COL5A1: variants seen among roughly 807,000 people sequenced by gnomAD.
COL5A1 encodes collagen alpha-1(V) chain.
A neutral mutation model predicts 263.7 loss-of-function variants in COL5A1; 16 were observed. The observed-to-expected ratio is 0.06, with a 90% confidence interval of 0.04 to 0.09. The LOEUF is 0.09. Ranked by LOEUF, COL5A1 falls within the 10% of genes least tolerant of loss-of-function variation. The pLI, the probability that COL5A1 is intolerant of heterozygous loss-of-function variation, is 1.00. For synonymous variants in COL5A1, 1,012 were observed against 1,004.5 expected (o/e 1.01, Z -0.14); for missense variants, 2,036 against 2,540.5 (o/e 0.80, Z 4.27).
In COL5A1 at chr9:134,701,212, C is replaced by T. The variant is rs768048558; in HGVS notation, c.533C>T (p.Thr178Ile). The T allele has an allele frequency of 1.9e-6, 3 of 1,613,900 alleles. No individual in the cohort carries two copies. The African/African-American group carries it at 4.0e-5, about 22-fold the overall frequency. The change falls in exon 4 of 66, where the codon ACC becomes ATC. Residue 178 changes from threonine to isoleucine, a missense_variant. By Grantham distance (89) the Thr-to-Ile change is moderately conservative (BLOSUM62 -1). Coordinates refer to ENST00000371817, the MANE Select transcript of COL5A1 (RefSeq NM_000093.5). ...CTCAGCGTCCACAAGAAAAATGTCA[C>T]CTTGATCCTCGACTGTAAAAAGAAG... ...IALSVHKKNV[T>I]LILDCKKKTT...
chr9:134,696,242 T>G lies in COL5A1; in HGVS notation c.278-3667T>G, dbSNP rs1833463101. On this transcript the variant is annotated intron_variant, in intron 2 of 65. Coordinates refer to ENST00000371817, the MANE Select transcript of COL5A1 (RefSeq NM_000093.5). The surrounding 1 kb of genome is among the most constrained non-coding windows in gnomAD (Gnocchi z 4.3). Reference sequence around the variant, plus strand: ...AGGCTGGAGTGCAGTGGTGTAATCTTGGCTCACGGCAACCTCTGCCTCCCA... The same window carrying G: ...AGGCTGGAGTGCAGTGGTGTAATCTGGGCTCACGGCAACCTCTGCCTCCCA... Among the ~76,000 whole-genome samples, 1 of 152,114 alleles carries G rather than the reference T, an allele frequency of 6.6e-6. No homozygotes were observed. Among genetic ancestry groups the G allele is most frequent in the Non-Finnish European group, 1.5e-5 (1 of 68,010 alleles).
chr9:134,818,616 T>C lies in COL5A1; in HGVS notation c.4231-40T>C, dbSNP rs548365635. On this transcript the variant is annotated intron_variant, in intron 54 of 65. Transcript: ENST00000371817. The surrounding 1 kb of genome is among the most constrained non-coding windows in gnomAD (Gnocchi z 6.0). ...GTCCTGGGCCAGGGTGCCTGGAGCC[T>C]AGAGCTCCGGACCTCATTCTGCCCT... 6.7e-7 allele frequency: 1 copy of C among 1,495,552 alleles called. No individual in the cohort carries two copies. Among genetic ancestry groups the C allele is most frequent in the Non-Finnish European group, 9.2e-7 (1 of 1,085,534 alleles). 92.6% of individuals were successfully genotyped at this position (1,495,552 alleles called of 1,614,324 possible).
In COL5A1 at chr9:134,721,401, C is replaced by T. The variant is rs148083632; in HGVS notation, c.655-5865C>T. ...CCCGTTAGGGCTGTTCTGTGCCTCTCGTCACCCCATGGCACCCCATGACTG... is the reference window on the plus strand; with the variant it reads ...CCCGTTAGGGCTGTTCTGTGCCTCTTGTCACCCCATGGCACCCCATGACTG... On this transcript the variant is annotated intron_variant, in intron 4 of 65. Transcript: ENST00000371817. 6.3e-3 allele frequency among the ~76,000 whole-genome samples: 963 copies of T among 152,202 alleles called. 7 individuals are homozygous for T. The highest frequency in any genetic ancestry group is 0.01 in the Non-Finnish European group (701 of 67,984).
intron 61 of COL5A1, among the ~76,000 whole-genome samples, chr9:134,823,895 G>A (rs1287544388): frequency 6.6e-6 from 1 of 151,932 alleles, no homozygotes; most frequent in African/African-American, 2.4e-5. Flanking sequence ...GGGTATGCAT[G>A]CATATATGTG....
intron 1 of COL5A1, among the ~76,000 whole-genome samples, chr9:134,676,290 G>C (rs79161305): frequency 0.13 from 20,344 of 152,130 alleles, 1,474 homozygotes; most frequent in Admixed American, 0.18. Flanking sequence ...CTTATTTTAA[G>C]ATGAAAGGGA....
Position 134,786,076 on chromosome 9 carries a change from G to A in COL5A1, c.2646+28G>A, listed in dbSNP as rs45579636. The A allele has an allele frequency of 2.3e-4, 363 of 1,592,624 alleles. 1 individual carries two copies. The highest frequency in any genetic ancestry group is 2.7e-4 in the Non-Finnish European group (311 of 1,166,284). On this transcript the variant is annotated intron_variant, in intron 31 of 65. Transcript: ENST00000371817. ...AACTTCTGGCCGTGTTAGGTGTCCC[G>A]GGACAGGCGGAGGGATGTTCTGCCC...
At chr9:134,692,334 C>T (rs979419424) in intron 2 of COL5A1, among the ~76,000 whole-genome samples, 1 of 152,180 alleles carries the variant, frequency 6.6e-6, no homozygotes, top group South Asian at 2.1e-4. Context: ...GACAGCCTGT[C>T]CCCGCAAAGG....
chr9:134,785,393 C>T (rs918643935), intron 30 of COL5A1, among the ~76,000 whole-genome samples: 3 of 152,220 alleles, frequency 2.0e-5, no homozygotes, highest in Non-Finnish European at 4.4e-5. Context: ...TCCAGGACCC[C>T]GTCCTTGTCA....
intron 47 of COL5A1, 36 bp from the exon 48 acceptor site, chr9:134,812,569 T>A (rs367707495): frequency 1.2e-4 from 189 of 1,611,746 alleles, no homozygotes; most frequent in Non-Finnish European, 1.5e-4. Flanking sequence ...AACATTTGCG[T>A]TTCCTCTGGG....
At chr9:134,662,486 G>T (rs1024880985) in intron 1 of COL5A1, among the ~76,000 whole-genome samples, 2 of 152,256 alleles carry the variant, frequency 1.3e-5, no homozygotes, top group Non-Finnish European at 2.9e-5. Context: ...GGCCTCCCCA[G>T]CACCCTTCCT....
chr9:134,687,006 G>A (rs1588437554), intron 1 of COL5A1, among the ~76,000 whole-genome samples: 2 of 152,204 alleles, frequency 1.3e-5, no homozygotes, highest in African/African-American at 4.8e-5. Flanking sequence ...GGTGGGGTCA[G>A]GAGGCCCCAC....
intron 4 of COL5A1, among the ~76,000 whole-genome samples, chr9:134,713,696 C>T (rs760150881): frequency 5.9e-5 from 9 of 152,170 alleles, no homozygotes; most frequent in African/African-American, 2.2e-4. Flanking sequence ...AACCCATTAA[C>T]GATCATCAGT....
chr9:134,759,435 ACACACC>A (rs1237437921), intron 18 of COL5A1, among the ~76,000 whole-genome samples: 11 of 119,352 alleles, frequency 9.2e-5, no homozygotes, highest in South Asian at 5.6e-4. Flanking sequence ...ACACACATGC[ACACACC>A]CACACCCACA....
intron 4 of COL5A1, among the ~76,000 whole-genome samples, chr9:134,706,020 C>A (rs1209714427): frequency 2.0e-5 from 3 of 152,230 alleles, no homozygotes; most frequent in African/African-American, 7.2e-5. Flanking sequence ...GGTTCGCAGG[C>A]CCCTGTCCTC....
At chr9:134,774,813 C>T (rs1318212244) in intron 26 of COL5A1, 46 bp from the exon 27 acceptor site, 1 of 1,596,120 alleles carries the variant, frequency 6.3e-7, no homozygotes, top group Non-Finnish European at 8.6e-7. Flanking sequence ...CCCCAGGCAC[C>T]TCCACACTGG....
Position 134,678,549 on chromosome 9 carries a change from T to C in COL5A1, c.110-12363T>C, listed in dbSNP as rs1172601671. Among the ~76,000 whole-genome samples the C allele has an allele frequency of 6.6e-6, 1 of 152,234 alleles. No homozygotes were observed. ...GCATCCCTGCAGGGCAAGCACCTGC[T>C]TCTCACCACCTGCTGCTCCTCCATG... On this transcript the variant is annotated intron_variant, in intron 1 of 65. Coordinates refer to ENST00000371817, the MANE Select transcript of COL5A1 (RefSeq NM_000093.5). This position sits in a 1 kb window ranked among gnomAD's most constrained non-coding sequence, Gnocchi z 5.5.
intron 29 of COL5A1, 144 bp from the exon 30 acceptor site, chr9:134,784,845 G>A: frequency 2.9e-6 from 2 of 688,164 alleles, no homozygotes; most frequent in Non-Finnish European, 5.3e-6. Flanking sequence ...CAGCTCCGTG[G>A]TCTGAGTGAG....
chr9:134,681,932 TCTCC>T lies in COL5A1; in HGVS notation c.110-8976_110-8973del, dbSNP rs1397485344. ...CTTTCTGTCTGTGTAGCTCTCTCTC[TCTCC>T]CTCTCTCTCCCCATCTCTCCCTCCC... On this transcript the variant is annotated intron_variant, in intron 1 of 65. Coordinates refer to ENST00000371817, the MANE Select transcript of COL5A1 (RefSeq NM_000093.5). This position sits in a 1 kb window ranked among gnomAD's most constrained non-coding sequence, Gnocchi z 4.3. 1.3e-5 allele frequency among the ~76,000 whole-genome samples: 2 copies of T among 151,886 alleles called. No homozygotes were observed. Among genetic ancestry groups the T allele is most frequent in the East Asian group, 3.9e-4 (2 of 5,186 alleles).
chr9:134,816,363 A>G (rs1008383987), intron 52 of COL5A1, among the ~76,000 whole-genome samples: 1 of 151,666 alleles, frequency 6.6e-6, no homozygotes, highest in African/African-American at 2.4e-5. Flanking sequence ...GACCGAGATC[A>G]CACTGGACGT....
Sources: gnomAD v4.1 joint callset for allele counts (sites outside exome capture counted in the v4.1 genomes callset) on GRCh38, gnomAD v4.1.1 for gene constraint, Gnocchi (gnomAD v3.1) non-coding constraint, MANE v1.5 for transcripts, NCBI Gene and HGNC (gene_info 2026-07-23, HGNC 2026-07-21) for gene names.